TP63: variants seen among roughly 807,000 people sequenced by gnomAD.
TP63 encodes tumor protein p63, also known as tumor protein 63.
A neutral mutation model predicts 82.8 loss-of-function variants in TP63; 17 were observed. That is an observed-to-expected ratio of 0.21 (90% CI 0.14 to 0.31). The LOEUF is 0.31. Among genes scored for constraint, TP63 ranks in the 10% least tolerant of loss-of-function variants. The pLI, the probability that TP63 is intolerant of heterozygous loss-of-function variation, is 1.00. For synonymous variants in TP63, 330 were observed against 321.7 expected (o/e 1.03, Z -0.28); for missense variants, 648 against 895.3 (o/e 0.72, Z 3.52).
the TP63 span, among the ~76,000 whole-genome samples, chr3:189,613,598 C>T: frequency 1.3e-5 from 2 of 152,274 alleles, no homozygotes; most frequent in Middle Eastern, 3.4e-3. Flanking sequence ...AGAAGAGGGC[C>T]ACAGTCCTCC....
At chr3:189,872,776 C>T in intron 9 of TP63, 83 bp from the exon 10 acceptor site, 1 of 1,588,856 alleles carries the variant, frequency 6.3e-7, no homozygotes, top group South Asian at 1.1e-5. Context: ...ATTACGGAAT[C>T]CTCAAATAAT....
chr3:189,641,564 T>C (rs909560667), intron 1 of TP63, among the ~76,000 whole-genome samples: 2 of 152,190 alleles, frequency 1.3e-5, no homozygotes, highest in South Asian at 2.1e-4. Flanking sequence ...ATAGTTTCAA[T>C]GTCTTATTCA....
intron 4 of TP63, among the ~76,000 whole-genome samples, chr3:189,857,908 T>C (rs114280493): frequency 0.013 from 1,981 of 152,328 alleles, 19 homozygotes; most frequent in Non-Finnish European, 0.022. Context: ...ACAGCCATTA[T>C]GGAAAATAGT....
upstream of TP63, among the ~76,000 whole-genome samples, chr3:189,629,988 G>A (rs891921715): frequency 3.3e-5 from 5 of 152,108 alleles, no homozygotes; most frequent in South Asian, 2.1e-4. Context: ...GGCTCAGGCT[G>A]GCCTGTTTGT....
At chr3:189,888,002 G>A (rs898860310) in intron 11 of TP63, among the ~76,000 whole-genome samples, 7 of 151,970 alleles carry the variant, frequency 4.6e-5, no homozygotes, top group Admixed American at 1.3e-4. Flanking sequence ...GATTACAGGC[G>A]TGCACCACCA....
At chr3:189,818,789 C>T (rs1038207814) in intron 4 of TP63, among the ~76,000 whole-genome samples, 2 of 152,040 alleles carry the variant, frequency 1.3e-5, no homozygotes, top group African/African-American at 4.8e-5. Context: ...CTGCCTGATA[C>T]CCCACTCCCC....
chr3:189,632,645 AAG>A (rs535652849), intron 1 of TP63, among the ~76,000 whole-genome samples: 21 of 152,248 alleles, frequency 1.4e-4, no homozygotes, highest in African/African-American at 4.8e-4. Context: ...AGGGTGAAAA[AAG>A]AGAGAGGGGA....
At chr3:189,718,449 A>G (rs1719127036) in intron 1 of TP63, among the ~76,000 whole-genome samples, 1 of 149,992 alleles carries the variant, frequency 6.7e-6, no homozygotes, top group South Asian at 2.3e-4. Context: ...CGATGGGGGA[A>G]CTACCAAACA....
At chr3:189,804,411 T>G (rs1306712767) in intron 3 of TP63, among the ~76,000 whole-genome samples, 1 of 152,238 alleles carries the variant, frequency 6.6e-6, no homozygotes, top group Non-Finnish European at 1.5e-5. Flanking sequence ...CTTTGTTTAA[T>G]GCTTTGCTAT....
At chr3:189,769,142 C>G (rs1723156682) in intron 3 of TP63, among the ~76,000 whole-genome samples, 1 of 152,124 alleles carries the variant, frequency 6.6e-6, no homozygotes, top group African/African-American at 2.4e-5. Context: ...CATGTCTTGC[C>G]TTAAAAAGTG....
intron 1 of TP63, among the ~76,000 whole-genome samples, chr3:189,715,539 G>C (rs1192165992): frequency 6.6e-6 from 1 of 152,168 alleles, no homozygotes; most frequent in Admixed American, 6.5e-5. Flanking sequence ...AAAGATGATT[G>C]TAATTACAAA....
intron 4 of TP63, among the ~76,000 whole-genome samples, chr3:189,827,577 TC>T (rs1251226406): frequency 6.6e-6 from 1 of 152,118 alleles, no homozygotes; most frequent in Admixed American, 6.6e-5. Context: ...ATAAGCAAAG[TC>T]TTGGGAAAAA....
chr3:189,865,943 C>T (rs1056274977), intron 5 of TP63, among the ~76,000 whole-genome samples: 1 of 152,150 alleles, frequency 6.6e-6, no homozygotes, highest in Non-Finnish European at 1.5e-5. Context: ...TTTTGATATG[C>T]TTCACTTTTT....
At chr3:189,834,093 A>T (rs1207849237) in intron 4 of TP63, among the ~76,000 whole-genome samples, 1 of 152,182 alleles carries the variant, frequency 6.6e-6, no homozygotes, top group Non-Finnish European at 1.5e-5. Context: ...CTTGTTAGGT[A>T]TGAGGGAGAC....
chr3:189,821,921 C>G (rs1158204124), intron 4 of TP63, among the ~76,000 whole-genome samples: 1 of 152,100 alleles, frequency 6.6e-6, no homozygotes, highest in Non-Finnish European at 1.5e-5. Context: ...CACATCCTGG[C>G]TCTTCTTGAA....
At chr3:189,602,007 T>A in the TP63 span, among the ~76,000 whole-genome samples, 3 of 152,134 alleles carry the variant, frequency 2.0e-5, no homozygotes, top group Non-Finnish European at 2.9e-5. Flanking sequence ...GTAGTGAGTG[T>A]GAAAGAGTGG....
At chr3:189,664,793 T>G (rs1021661686) in intron 1 of TP63, among the ~76,000 whole-genome samples, 4 of 152,168 alleles carry the variant, frequency 2.6e-5, no homozygotes, top group Admixed American at 1.3e-4. Flanking sequence ...GTATTTGTTT[T>G]TATGTAATGT....
At chr3:189,650,286 A>G (rs1180089968) in intron 1 of TP63, among the ~76,000 whole-genome samples, 1 of 147,344 alleles carries the variant, frequency 6.8e-6, no homozygotes, top group South Asian at 2.2e-4. Flanking sequence ...AAAGATTGAT[A>G]TATGAGAAGG....
intron 10 of TP63, among the ~76,000 whole-genome samples, chr3:189,878,536 C>T (rs140027427): frequency 0.051 from 7,604 of 149,664 alleles, 250 homozygotes; most frequent in Non-Finnish European, 0.074. Context: ...TTACAGATGC[C>T]TGCCACCATG....
Sources: gnomAD v4.1 joint callset for allele counts (sites outside exome capture counted in the v4.1 genomes callset) on GRCh38, gnomAD v4.1.1 for gene constraint, MANE v1.5 for transcripts, NCBI Gene and HGNC (gene_info 2026-07-23, HGNC 2026-07-21) for gene names.